HIGD2B: variants seen among roughly 807,000 people sequenced by gnomAD.
HIGD2B encodes HIG1 domain family member 2B.
For synonymous variants in HIGD2B, 45 were observed against 28.1 expected (o/e 1.60, Z -1.90); for missense variants, 106 against 67.0 (o/e 1.58, Z -2.03).
intron 2 of HIGD2B, 24 bp downstream of exon 2, chr15:72,679,991 C>T: frequency 3.1e-6 from 1 of 327,084 alleles, no homozygotes; most frequent in Non-Finnish European, 5.1e-6. Context: ...TAACCAACTG[C>T]TGGTCCAAAC....
chr15:72,682,759 T>C (rs569366165), intron 1 of HIGD2B: 56 of 208,664 alleles, frequency 2.7e-4, no homozygotes, highest in African/African-American at 1.2e-3. Context: ...ACTTTAACTA[T>C]GTATTCTTCT....
intron 1 of HIGD2B, among the ~76,000 whole-genome samples, chr15:72,684,931 G>A (rs1449856094): frequency 1.3e-5 from 2 of 152,046 alleles, no homozygotes; most frequent in Non-Finnish European, 2.9e-5. Context: ...TTACAGGCGG[G>A]CACCACCATG....
At chr15:72,678,746 C>T (rs2064717714) in intron 2 of HIGD2B, among the ~76,000 whole-genome samples, 1 of 151,994 alleles carries the variant, frequency 6.6e-6, no homozygotes, top group Non-Finnish European at 1.5e-5. Flanking sequence ...GCCTGTAATC[C>T]CAACACTTTG....
rs773199310 is a variant in HIGD2B at position 72,686,162 on chromosome 15, C to A, written c.-537G>T. 6.6e-7 allele frequency: 1 copy of A among 1,515,822 alleles called. No individual in the cohort carries two copies. Among genetic ancestry groups the A allele is most frequent in the Non-Finnish European group, 8.9e-7 (1 of 1,119,904 alleles). The allele number at this position is 1,515,822 out of a possible 1,614,324, so 93.9% of individuals were successfully genotyped here. A position where few individuals can be genotyped will look rare whatever the true frequency, so the allele number is the denominator to read the frequency against. On this transcript the variant is annotated 5_prime_UTR_variant, in exon 1 of 3. Coordinates refer to ENST00000311755, the MANE Select transcript of HIGD2B (RefSeq NM_001350932.3). Reference sequence around the variant, plus strand: ...CTCACAGTCCTCCACAGCCCTACGACTTCCGCTTGCCTCGTCGTCTGGGAA... The same window carrying A: ...CTCACAGTCCTCCACAGCCCTACGAATTCCGCTTGCCTCGTCGTCTGGGAA...
At position 72,680,049 on chromosome 15, in the gene HIGD2B, G is replaced by C. The variant is rs775259497; in HGVS notation, c.-48C>G. ...TGGAAAGTGCCAACAGAGTTCTCCC[G>C]ACGAATGTCTTCATATTCCTCATAG... On this transcript the variant is annotated 5_prime_UTR_variant, in exon 2 of 3. Transcript: ENST00000311755. The C allele has an allele frequency of 2.1e-6, 1 of 480,330 alleles. No homozygotes were observed. The highest frequency in any genetic ancestry group is 3.0e-6 in the Non-Finnish European group (1 of 331,112). The allele number at this position is 480,330 out of a possible 1,614,324, so 29.8% of individuals were successfully genotyped here.
intron 2 of HIGD2B, among the ~76,000 whole-genome samples, chr15:72,679,378 A>AG (rs1555495142): frequency 6.0e-5 from 9 of 151,172 alleles, no homozygotes; most frequent in East Asian, 1.9e-4. Flanking sequence ...AAAAAAAAAA[A>AG]AGAGAGAGAG....
intron 2 of HIGD2B, 115 bp from the exon 3 acceptor site, chr15:72,676,502 C>T: frequency 1.7e-6 from 1 of 596,682 alleles, no homozygotes; most frequent in Non-Finnish European, 3.0e-6. Context: ...CCTCCCTGGT[C>T]CCAGTTAAAG....
In HIGD2B at chr15:72,685,853, C is replaced by A. The variant is rs886473792; in HGVS notation, c.-228G>T. The A allele has an allele frequency of 5.6e-6, 2 of 359,408 alleles. No homozygotes were observed. The highest frequency in any genetic ancestry group is 6.3e-5 in the East Asian group (1 of 15,764). The allele number at this position is 359,408 out of a possible 1,614,324, so 22.3% of individuals were successfully genotyped here. A position where few individuals can be genotyped will look rare whatever the true frequency, so the allele number is the denominator to read the frequency against. On this transcript the variant is annotated 5_prime_UTR_variant, in exon 1 of 3. Transcript: ENST00000311755. ...AAAGAAATTCTCCGCCGAAATCTCCCGGAAGAAGGACTGAATTAAATGCAG... is the reference window on the plus strand; with the variant it reads ...AAAGAAATTCTCCGCCGAAATCTCCAGGAAGAAGGACTGAATTAAATGCAG...
chr15:72,684,574 ACCT>A (rs2064788205), intron 1 of HIGD2B, among the ~76,000 whole-genome samples: 1 of 151,750 alleles, frequency 6.6e-6, no homozygotes, highest in South Asian at 2.1e-4. Context: ...TGTAACTTCC[ACCT>A]CCTGGATTCA....
At chr15:72,678,818 C>T (rs1016379014) in intron 2 of HIGD2B, among the ~76,000 whole-genome samples, 1 of 151,476 alleles carries the variant, frequency 6.6e-6, no homozygotes, top group African/African-American at 2.4e-5. Flanking sequence ...GGCAATATGG[C>T]AAAACCCCAT....
intron 2 of HIGD2B, among the ~76,000 whole-genome samples, chr15:72,676,958 A>G (rs975308797): frequency 2.0e-5 from 3 of 152,202 alleles, no homozygotes; most frequent in African/African-American, 7.2e-5. Context: ...CACACAAATG[A>G]AGTAAAAGTG....
At chr15:72,679,267 A>T (rs2064724029) in intron 2 of HIGD2B, among the ~76,000 whole-genome samples, 1 of 151,426 alleles carries the variant, frequency 6.6e-6, no homozygotes, top group African/African-American at 2.4e-5. Context: ...AGGGAGGCTG[A>T]GGCAGGAGAA....
rs1048858503 is a variant in HIGD2B, at chr15:72,681,602, T to G, written c.-192-1409A>C. On this transcript the variant is annotated intron_variant, in intron 1 of 2. Transcript: ENST00000311755. ...TCCTGTGTTACCTTGAACCAAAATTTTTTTTTTTTTTTTTTTTTTGAGGCA... is the reference window on the plus strand; with the variant it reads ...TCCTGTGTTACCTTGAACCAAAATTGTTTTTTTTTTTTTTTTTTTGAGGCA... Among the ~76,000 whole-genome samples, 1,314 of 146,836 alleles carry G rather than the reference T, an allele frequency of 8.9e-3. 67 individuals are homozygous for G. Among genetic ancestry groups the G allele is most frequent in the Admixed American group, 0.031 (453 of 14,436 alleles).
At chr15:72,681,702 G>C (rs2064752495) in intron 1 of HIGD2B, among the ~76,000 whole-genome samples, 1 of 151,396 alleles carries the variant, frequency 6.6e-6, no homozygotes, top group Non-Finnish European at 1.5e-5. Flanking sequence ...CACCTCCCGG[G>C]TTCAAGTGAT....
In HIGD2B at chr15:72,676,448, A is replaced by G. The variant is rs1180948325; in HGVS notation, c.-13-61T>C. The G allele has an allele frequency of 4.8e-6, 3 of 621,918 alleles. No individual in the cohort carries two copies. In the East Asian group the frequency reaches 8.2e-5, roughly 17 times the overall value. 38.5% of individuals were successfully genotyped at this position (621,918 alleles called of 1,614,324 possible). ...GAGAAGGAGTCTTGCTCTGTAGCCC[A>G]GGCTGGAGTGCAGTGGTGCAACCTT... On this transcript the variant is annotated intron_variant, in intron 2 of 2. Coordinates refer to ENST00000311755, the MANE Select transcript of HIGD2B (RefSeq NM_001350932.3).
intron 2 of HIGD2B, 134 bp from the exon 3 acceptor site, chr15:72,676,521 C>T: frequency 1.7e-6 from 1 of 590,548 alleles, no homozygotes; most frequent in South Asian, 2.1e-5. Context: ...AGCAATTCTC[C>T]TGCTTCAGCC....
Position 72,680,045 on chromosome 15 carries a change from TC to T in HIGD2B, c.-45del. 3 of 477,120 alleles carry T rather than the reference TC, an allele frequency of 6.3e-6. No homozygotes were observed. Among genetic ancestry groups the T allele is most frequent in the Non-Finnish European group, 3.0e-6 (1 of 327,954 alleles). 29.6% of individuals were successfully genotyped at this position (477,120 alleles called of 1,614,324 possible). ...ACAGTGGAAAGTGCCAACAGAGTTC[TC>T]CCGACGAATGTCTTCATATTCCTCA... On this transcript the variant is annotated 5_prime_UTR_variant, in exon 2 of 3. An upstream open reading frame in the 5' UTR loses its in-frame stop. Transcript: ENST00000311755.
intron 1 of HIGD2B, among the ~76,000 whole-genome samples, chr15:72,683,154 C>G (rs1012030353): frequency 1.3e-5 from 2 of 152,172 alleles, no homozygotes; most frequent in African/African-American, 4.8e-5. Flanking sequence ...CATTTAGTCC[C>G]TGAAATAAAT....
Position 72,686,084 on chromosome 15 carries a change from T to A in HIGD2B, c.-459A>T. ...AAGCCTTCTGTGGAGCAGACCCTAA[T>A]CCTCCCCCTGATTCCTTAGGTCACT... is the stretch of plus-strand genomic sequence containing the variant. On this transcript the variant is annotated 5_prime_UTR_variant, in exon 1 of 3. Coordinates refer to ENST00000311755, the MANE Select transcript of HIGD2B (RefSeq NM_001350932.3). 2.3e-6 allele frequency: 2 copies of A among 861,354 alleles called. No individual in the cohort carries two copies. Among genetic ancestry groups the A allele is most frequent in the Non-Finnish European group, 3.7e-6 (2 of 534,786 alleles). 53.4% of individuals were successfully genotyped at this position (861,354 alleles called of 1,614,324 possible).
Sources: gnomAD v4.1 joint callset for allele counts (sites outside exome capture counted in the v4.1 genomes callset) on GRCh38, gnomAD v4.1.1 for gene constraint, MANE v1.5 for transcripts, NCBI Gene and HGNC (gene_info 2026-07-23, HGNC 2026-07-21) for gene names.